The following CANX variants were observed in gnomAD, a reference collection of about 807,000 sequenced individuals.
The protein encoded by CANX is epididymis secretory sperm binding protein.
CANX carries 14 observed loss-of-function variants against 75.7 expected under a neutral mutation model. That is an observed-to-expected ratio of 0.19 (90% CI 0.12 to 0.29). The LOEUF (loss-of-function observed/expected upper bound fraction) is 0.29, where lower values mean the gene tolerates loss of function less well. CANX is among the 10% of genes least tolerant of loss of function. CANX has a pLI of 1.00. For missense variants in CANX, 567 were observed against 713.2 expected, an observed-to-expected ratio of 0.79 and a Z score of 2.34; for synonymous variants, 227 against 236.9, an observed-to-expected ratio of 0.96 and a Z score of 0.38.
chr5:179,684,497 G>A (rs1359275503), intron 1 of CANX, among the ~76,000 whole-genome samples: 5 of 148,088 alleles, frequency 3.4e-5, no homozygotes, highest in African/African-American at 1.2e-4. Flanking sequence ...CCGCCACCAC[G>A]CCCGGCTAAT....
intron 7 of CANX, 118 bp from the exon 8 acceptor site, chr5:179,715,987 C>G (rs764825987): frequency 6.4e-6 from 5 of 779,300 alleles, no homozygotes; most frequent in East Asian, 2.6e-5. Flanking sequence ...ATTGTTCTTA[C>G]CCCAAAGCCT....
At chr5:179,690,199 T>A (rs1308697712) in intron 1 of CANX, among the ~76,000 whole-genome samples, 1 of 152,216 alleles carries the variant, frequency 6.6e-6, no homozygotes, top group Non-Finnish European at 1.5e-5. Flanking sequence ...CATGGAAATT[T>A]CAGTCTGGCT....
At chr5:179,705,995 A>G in intron 2 of CANX, 143 bp downstream of exon 2, 2 of 661,394 alleles carry the variant, frequency 3.0e-6, no homozygotes, top group Non-Finnish European at 5.3e-6. Flanking sequence ...ACACAGGGAG[A>G]TATCATCTCT....
chr5:179,707,583 C>CAAA (rs1200030925), intron 4 of CANX, among the ~76,000 whole-genome samples: 658 of 57,172 alleles, frequency 0.012, 10 homozygotes, highest in Non-Finnish European at 0.016. Flanking sequence ...GACTCCGTCT[C>CAAA]AAAAAAAAAA....
At chr5:179,719,885 A>G in intron 9 of CANX, 104 bp downstream of exon 9, 6 of 660,040 alleles carry the variant, frequency 9.1e-6, no homozygotes, top group Non-Finnish European at 2.6e-6. Flanking sequence ...TCAGTGGCGC[A>G]GTTTCGGCTC....
In CANX at chr5:179,719,663, T is replaced by A. The variant is rs374279188; in HGVS notation, c.912-5T>A. On this transcript the variant is annotated splice_polypyrimidine_tract_variant and splice_region_variant and intron_variant, in intron 8 of 14. Transcript: ENST00000247461. Reference sequence around the variant, plus strand: ...TCATAACTGGCTTTTTCTTTTGTATTTAAGGGATGAAGATGCCCCTGCTAA... The same window carrying A: ...TCATAACTGGCTTTTTCTTTTGTATATAAGGGATGAAGATGCCCCTGCTAA... 3.3e-5 allele frequency: 52 copies of A among 1,570,898 alleles called. No individual in the cohort carries two copies. In the African/African-American group the frequency reaches 5.5e-4, roughly 17 times the overall value.
At position 179,724,709 on chromosome 5, in the gene CANX, T is replaced by TGAAGGAAGAGGAAGAAGA. The variant is rs757851443; in HGVS notation, c.1585_1602dup (p.Glu529_Glu534dup). 6.2e-7 allele frequency: 1 copy of TGAAGGAAGAGGAAGAAGA among 1,612,370 alleles called. No individual in the cohort carries two copies. The highest frequency in any genetic ancestry group is 8.5e-7 in the Non-Finnish European group (1 of 1,178,770). On this transcript the variant is annotated inframe_insertion, in exon 13 of 15. Transcript: ENST00000247461. ...AAAACTGATGCACCTCAACCGGATG[T>TGAAGGAAGAGGAAGAAGA]GAAGGAAGAGGAAGAAGAGAAGGAA...
chr5:179,682,195 T>G (rs1177995339), intron 1 of CANX, among the ~76,000 whole-genome samples: 1 of 147,592 alleles, frequency 6.8e-6, no homozygotes, highest in Admixed American at 6.9e-5. Flanking sequence ...GAGGTTGCAA[T>G]GAGCGAAGAT....
At chr5:179,707,343 C>G (rs574830651) in intron 4 of CANX, among the ~76,000 whole-genome samples, 153 bp downstream of exon 4, 22 of 152,092 alleles carry the variant, frequency 1.4e-4, no homozygotes, top group African/African-American at 5.1e-4. Context: ...CCAGCACTTT[C>G]GGAAGCCAAG....
chr5:179,723,150 A>G, intron 11 of CANX, 131 bp downstream of exon 11: 1 of 729,944 alleles, frequency 1.4e-6, no homozygotes, highest in Non-Finnish European at 2.3e-6. Flanking sequence ...TGCCTGCAAA[A>G]GACACAATAT....
chr5:179,706,448 T>C (rs879238782), intron 3 of CANX, 117 bp downstream of exon 3: 1 of 531,162 alleles, frequency 1.9e-6, no homozygotes, highest in Non-Finnish European at 3.2e-6. Context: ...TTTTATTTTA[T>C]TTATTTATTT....
At chr5:179,678,716 A>G in exon 1 of CANX, 1 of 1,536,980 alleles carries the variant, frequency 6.5e-7, no homozygotes, top group Non-Finnish European at 8.7e-7. Context: ...CTTCTCCAGC[A>G]AGTGCATGCG....
At position 179,689,228 on chromosome 5, in the gene CANX, C is replaced by CA. The variant is rs140238591; in HGVS notation, c.-4+10452dup. Among the ~76,000 whole-genome samples the CA allele has an allele frequency of 8.9e-3, 1,358 of 152,102 alleles. 33 individuals are homozygous for CA. Among genetic ancestry groups the CA allele is most frequent in the African/African-American group, 0.032 (1,307 of 41,482 alleles). ...TGCCACAGCAGTCCAGTCTGGGTGA[C>CA]AGAGCTGTCTCAAAAACGACAGCAA... On this transcript the variant is annotated intron_variant, in intron 1 of 14. Coordinates refer to the CANX transcript ENST00000681674.
intron 8 of CANX, among the ~76,000 whole-genome samples, chr5:179,718,326 A>G (rs1047825294): frequency 1.3e-5 from 2 of 151,498 alleles, no homozygotes; most frequent in Non-Finnish European, 1.5e-5. Context: ...ACAAGCGTGC[A>G]CCACTGCACT....
intron 2 of CANX, 94 bp downstream of exon 2, chr5:179,705,946 C>T (rs1562471419): frequency 1.1e-5 from 11 of 998,180 alleles, no homozygotes; most frequent in Non-Finnish European, 1.6e-6. Context: ...CTCAACTACT[C>T]AGGAGGCCTA....
upstream of CANX, among the ~76,000 whole-genome samples, chr5:179,696,165 C>A (rs115676439): frequency 0.047 from 7,075 of 152,078 alleles, 540 homozygotes; most frequent in African/African-American, 0.16. Context: ...GTGATCCACC[C>A]ACCTTCGCCT....
chr5:179,695,921 A>C (rs1469045751), upstream of CANX, among the ~76,000 whole-genome samples: 1 of 151,956 alleles, frequency 6.6e-6, no homozygotes, highest in Non-Finnish European at 1.5e-5. Flanking sequence ...TACAGGCGTG[A>C]GCCACTGTGC....
rs147920848 is a variant in CANX, at chr5:179,724,878, G to A, written c.1645+95G>A. Reference sequence around the variant, plus strand: ...AGTTAAGGATTGTTTTTAGCCAGGCGTGGTGGCTCAAGCCTGTAATCCTAG... The same window carrying A: ...AGTTAAGGATTGTTTTTAGCCAGGCATGGTGGCTCAAGCCTGTAATCCTAG... On this transcript the variant is annotated intron_variant, in intron 13 of 14. Transcript: ENST00000247461. 3.2e-4 allele frequency: 470 copies of A among 1,467,648 alleles called. No individual in the cohort carries two copies. In the African/African-American group the frequency reaches 5.2e-3, roughly 16 times the overall value. The allele number at this position is 1,467,648 out of a possible 1,614,324, so 90.9% of individuals were successfully genotyped here. A position where few individuals can be genotyped will look rare whatever the true frequency, so the allele number is the denominator to read the frequency against.
intron 2 of CANX, among the ~76,000 whole-genome samples, 186 bp from the exon 3 acceptor site, chr5:179,706,072 C>T (rs908942776): frequency 4.6e-5 from 7 of 152,072 alleles, no homozygotes; most frequent in Non-Finnish European, 8.8e-5. Context: ...AAGCAAAATT[C>T]GTGAAAATAC....
Sources: gnomAD v4.1 joint callset for allele counts (sites outside exome capture counted in the v4.1 genomes callset) on GRCh38, gnomAD v4.1.1 for gene constraint, MANE v1.5 for transcripts, NCBI Gene and HGNC (gene_info 2026-07-23, HGNC 2026-07-21) for gene names.